DISP1: variants seen among roughly 807,000 people sequenced by gnomAD.
DISP1 encodes the protein dispatched RND transporter family member 1.
Under a neutral mutation model 37.3 loss-of-function variants are expected in DISP1, and 30 were observed. That is an observed-to-expected ratio of 0.80 (90% CI 0.60 to 1.09). The LOEUF (loss-of-function observed/expected upper bound fraction) is 1.09, where lower values mean the gene tolerates loss of function less well. DISP1 is among the 50% of genes least tolerant of loss of function. The probability of loss-of-function intolerance (pLI) is 0.00; values close to 1 mark genes in which losing one functional copy is unlikely to be tolerated. For missense variants in DISP1, 1,598 were observed against 1,879.5 expected, an observed-to-expected ratio of 0.85 and a Z score of 2.77; for synonymous variants, 634 against 690.2, an observed-to-expected ratio of 0.92 and a Z score of 1.28.
Position 223,003,760 on chromosome 1 carries a change from C to T in DISP1, c.2363C>T (p.Thr788Ile). 1 of 1,614,162 alleles carries T rather than the reference C, an allele frequency of 6.2e-7. No individual in the cohort carries two copies. The highest frequency in any genetic ancestry group is 1.1e-5 in the South Asian group (1 of 91,080). Residue 788 changes from threonine (T) to isoleucine (I), a missense_variant, in exon 9 of 9, where the codon ACA (threonine) becomes ATA (isoleucine). Transcript: ENST00000675850. The surrounding 1 kb of genome is among the most constrained non-coding windows in gnomAD (Gnocchi z 4.3). ...HHGEELHMPITVIWGVSPEDN... is the reference protein window; with the variant it reads ...HHGEELHMPIIVIWGVSPEDN... ...GGCGAGGAGCTCCACATGCCCATCA[C>T]AGTAATCTGGGGCGTGTCCCCAGAA...
At chr1:222,873,265 A>G (rs1669696988) in intron 1 of DISP1, among the ~76,000 whole-genome samples, 2 of 152,178 alleles carry the variant, frequency 1.3e-5, no homozygotes, top group Admixed American at 1.3e-4. Context: ...TTTGGGCTAG[A>G]GAGTTCTGTA....
At chr1:222,896,506 C>CA (rs762224275) in intron 1 of DISP1, among the ~76,000 whole-genome samples, 13 of 150,882 alleles carry the variant, frequency 8.6e-5, no homozygotes, top group Non-Finnish European at 1.5e-4. Flanking sequence ...GAGGCTGAGG[C>CA]AGGAGAATTG....
At chr1:222,869,715 T>C (rs1004143741) in intron 1 of DISP1, among the ~76,000 whole-genome samples, 1 of 152,144 alleles carries the variant, frequency 6.6e-6, no homozygotes, top group Non-Finnish European at 1.5e-5. Context: ...AGAGGGATTT[T>C]ATTTTCTTAA....
intron 2 of DISP1, among the ~76,000 whole-genome samples, chr1:222,935,317 T>A (rs1452555613): frequency 1.3e-5 from 2 of 152,224 alleles, no homozygotes; most frequent in Non-Finnish European, 2.9e-5. Flanking sequence ...TCTTGCCATT[T>A]ATTCTTAAGT....
intron 1 of DISP1, among the ~76,000 whole-genome samples, chr1:222,821,131 A>AG (rs1662772036): frequency 6.6e-6 from 1 of 152,134 alleles, no homozygotes; most frequent in Admixed American, 6.5e-5. Context: ...TGAATGAACA[A>AG]TGCACCTTTT....
intron 1 of DISP1, among the ~76,000 whole-genome samples, chr1:222,860,301 G>T (rs1171761202): frequency 6.6e-6 from 1 of 152,110 alleles, no homozygotes; most frequent in Non-Finnish European, 1.5e-5. Context: ...TGATCTGACT[G>T]CCTCGGCCTC....
At chr1:222,976,468 C>A (rs1368679598) in intron 3 of DISP1, among the ~76,000 whole-genome samples, 1 of 151,944 alleles carries the variant, frequency 6.6e-6, no homozygotes, top group African/African-American at 2.4e-5. Flanking sequence ...TTGGGTGTTT[C>A]CATCATCTGT....
intron 8 of DISP1, 62 bp downstream of exon 8, chr1:222,995,044 T>A (rs1257425678): frequency 7.6e-7 from 1 of 1,318,414 alleles, no homozygotes; most frequent in Non-Finnish European, 1.1e-6. Flanking sequence ...TGAAACTCCT[T>A]TTACTGCTGA....
intron 1 of DISP1, among the ~76,000 whole-genome samples, chr1:222,886,283 T>C (rs1181583552): frequency 2.6e-5 from 4 of 152,218 alleles, no homozygotes; most frequent in Non-Finnish European, 5.9e-5. Flanking sequence ...AGCAACGCTT[T>C]GAGGTTTATT....
chr1:222,871,951 A>C (rs1047087420), intron 1 of DISP1, among the ~76,000 whole-genome samples: 3 of 152,104 alleles, frequency 2.0e-5, no homozygotes, highest in African/African-American at 7.2e-5. Context: ...TATTATTTTG[A>C]GATACGTCCC....
intron 1 of DISP1, among the ~76,000 whole-genome samples, chr1:222,880,896 A>G (rs2125365996): frequency 6.6e-6 from 1 of 152,214 alleles, no homozygotes; most frequent in Middle Eastern, 3.4e-3. Context: ...CCTTGTCTCT[A>G]TAAAAAATAT....
At chr1:222,987,688 A>G (rs1333148586) in intron 4 of DISP1, among the ~76,000 whole-genome samples, 1 of 152,242 alleles carries the variant, frequency 6.6e-6, no homozygotes, top group African/African-American at 2.4e-5. Flanking sequence ...TAATTAAACC[A>G]CAGTATGAAT....
At chr1:222,835,078 T>C (rs1666724407) in intron 1 of DISP1, 1 of 152,232 alleles carries the variant, frequency 6.6e-6, no homozygotes, top group Non-Finnish European at 1.5e-5. Flanking sequence ...GTTTCAGCGT[T>C]TGTTTTTAGA....
rs534065159 is a variant in DISP1, at chr1:222,950,846, G to T, written c.509+7514G>T. Among the ~76,000 whole-genome samples, 12 of 152,276 alleles carry T rather than the reference G, an allele frequency of 7.9e-5. No individual in the cohort carries two copies. In the South Asian group the frequency reaches 2.5e-3, roughly 32 times the overall value. Reference sequence around the variant, plus strand: ...AAAGTGAAAGAGTAGTGGTATTATTGCAAAATTAATAAGGAGTTCTGCATC... The same window carrying T: ...AAAGTGAAAGAGTAGTGGTATTATTTCAAAATTAATAAGGAGTTCTGCATC... On this transcript the variant is annotated intron_variant, in intron 3 of 8. Coordinates refer to ENST00000675850, the MANE Select transcript of DISP1 (RefSeq NM_001377229.1).
intron 1 of DISP1, among the ~76,000 whole-genome samples, chr1:222,823,165 A>G (rs1223784938): frequency 2.6e-5 from 4 of 152,234 alleles, no homozygotes; most frequent in South Asian, 2.1e-4. Flanking sequence ...TGATTCAGCA[A>G]TCCCACTACT....
chr1:222,896,142 C>G (rs1558316688), intron 1 of DISP1, among the ~76,000 whole-genome samples: 1 of 151,678 alleles, frequency 6.6e-6, no homozygotes, highest in African/African-American at 2.4e-5. Context: ...GAGACACCGT[C>G]TCTACAAATG....
chr1:222,853,859 AT>A (rs1487624473), intron 1 of DISP1, among the ~76,000 whole-genome samples: 4 of 152,322 alleles, frequency 2.6e-5, no homozygotes. Flanking sequence ...ACAAGAATAT[AT>A]TGTATAGTTT....
At chr1:222,891,796 G>A (rs1395031621) in intron 1 of DISP1, among the ~76,000 whole-genome samples, 1 of 152,066 alleles carries the variant, frequency 6.6e-6, no homozygotes, top group African/African-American at 2.4e-5. Context: ...TAGTGAAAGT[G>A]GAAGCCAGGA....
chr1:222,940,483 A>G (rs1192130199), intron 2 of DISP1, among the ~76,000 whole-genome samples: 1 of 152,194 alleles, frequency 6.6e-6, no homozygotes, highest in East Asian at 1.9e-4. Context: ...AGATTTGGGC[A>G]GGACACAGAT....
Sources: gnomAD v4.1 joint callset for allele counts (sites outside exome capture counted in the v4.1 genomes callset) on GRCh38, gnomAD v4.1.1 for gene constraint, Gnocchi (gnomAD v3.1) non-coding constraint, MANE v1.5 for transcripts, NCBI Gene and HGNC (gene_info 2026-07-23, HGNC 2026-07-21) for gene names.